Variants in KDF1 observed in about 807,000 individuals in gnomAD.
KDF1 encodes the protein keratinocyte differentiation factor 1, also known as RP11-344H11.3.
A neutral mutation model predicts 31.6 loss-of-function variants in KDF1; 11 were observed. That is an observed-to-expected ratio of 0.35 (90% CI 0.22 to 0.58). The LOEUF (loss-of-function observed/expected upper bound fraction) is 0.58. Ranked by LOEUF, KDF1 falls within the 20% of genes least tolerant of loss-of-function variation. The probability of loss-of-function intolerance (pLI) is 0.83; values close to 1 mark genes in which losing one functional copy is unlikely to be tolerated. For synonymous variants in KDF1, 205 were observed against 214.4 expected, an observed-to-expected ratio of 0.96 and a Z score of 0.38; for missense variants, 476 against 549.1, an observed-to-expected ratio of 0.87 and a Z score of 1.33.
At position 26,951,780 on chromosome 1, in the gene KDF1, T is replaced by C. The variant is rs2082350602; in HGVS notation, c.601A>G (p.Ser201Gly). Reference protein sequence around the residue: ...PLADPPPMRHSLPSTFASSPR... With the variant: ...PLADPPPMRHGLPSTFASSPR... ...CTACTGGCAAAGGTGCTGGGCAGGC[T>C]GTGTCGCATGGGTGGGGGATCGGCC... Residue 201 changes from serine (S) to glycine (G), a missense_variant, in exon 2 of 4, where the codon AGC (serine) becomes GGC (glycine). Physicochemically the swap from Ser to Gly is moderately conservative, Grantham distance 56. Around this residue, in one of 2 missense-constraint regions of KDF1, gnomAD observed 330 missense variants for 332.3 expected, o/e 0.99. Coordinates refer to ENST00000320567, the MANE Select transcript of KDF1 (RefSeq NM_152365.3). This position sits in a 1 kb window ranked among gnomAD's most constrained non-coding sequence, Gnocchi z 5.4. The C allele has an allele frequency of 6.2e-7, 1 of 1,614,064 alleles. No homozygotes were observed. The highest frequency in any genetic ancestry group is 8.5e-7 in the Non-Finnish European group (1 of 1,180,022).
intron 1 of KDF1, among the ~76,000 whole-genome samples, chr1:26,958,549 G>C (rs2082387489): frequency 6.6e-6 from 1 of 152,128 alleles, no homozygotes; most frequent in South Asian, 2.1e-4. Flanking sequence ...AAGTACTTCA[G>C]ACATAATAAC....
In KDF1 at chr1:26,952,222, A is replaced by G. The variant is rs779019147; in HGVS notation, c.159T>C (p.His53=). ...RRPDPKDPGH[H]GPESITFISG... ...AGATGAAGGTAATGCTCTCTGGCCC[A>G]TGGTGGCCAGGGTCCTTGGGGTCTG... Residue 53 remains histidine, a synonymous_variant, in exon 2 of 4, where the codon CAT becomes CAC. Coordinates refer to ENST00000320567, the MANE Select transcript of KDF1 (RefSeq NM_152365.3). The surrounding 1 kb of genome is among the most constrained non-coding windows in gnomAD (Gnocchi z 4.1). The G allele has an allele frequency of 7.5e-6, 12 of 1,608,672 alleles. No homozygotes were observed. The highest frequency in any genetic ancestry group is 1.7e-5 in the Admixed American group (1 of 59,750).
intron 1 of KDF1, among the ~76,000 whole-genome samples, chr1:26,954,711 TA>T (rs2082368575): frequency 1.3e-5 from 2 of 149,510 alleles, no homozygotes. Flanking sequence ...TGGGCACGTG[TA>T]ATCTCAGCTA....
In KDF1 at chr1:26,950,938, T is replaced by C. The variant is rs2082345323; in HGVS notation, c.1040-182A>G. ...GCGCAGAGTGATGGATGAGTGGGAG[T>C]TTTGGTTAGCCCAGAACAGGTCAGA... On this transcript the variant is annotated intron_variant, in intron 2 of 3. Transcript: ENST00000320567. The surrounding 1 kb of genome is among the most constrained non-coding windows in gnomAD (Gnocchi z 4.0). 1.3e-5 allele frequency among the ~76,000 whole-genome samples: 2 copies of C among 151,222 alleles called. No individual in the cohort carries two copies. Among genetic ancestry groups the C allele is most frequent in the African/African-American group, 4.9e-5 (2 of 41,074 alleles).
Position 26,951,774 on chromosome 1 carries a change from G to A in KDF1, c.607C>T (p.Pro203Ser), listed in dbSNP as rs2082350505. The A allele has an allele frequency of 1.2e-6, 2 of 1,614,140 alleles. No individual in the cohort carries two copies. The highest frequency in any genetic ancestry group is 3.3e-5 in the Admixed American group (2 of 60,026). Residue 203 changes from proline to serine, a missense_variant, in exon 2 of 4, where the codon CCC becomes TCC. Transcript: ENST00000320567. This position sits in a 1 kb window ranked among gnomAD's most constrained non-coding sequence, Gnocchi z 5.4. Reference protein sequence around the residue: ...ADPPPMRHSLPSTFASSPRGS... With the variant: ...ADPPPMRHSLSSTFASSPRGS... ...CGAGGACTACTGGCAAAGGTGCTGG[G>A]CAGGCTGTGTCGCATGGGTGGGGGA...
intron 1 of KDF1, among the ~76,000 whole-genome samples, chr1:26,956,234 G>A (rs2082376831): frequency 6.6e-6 from 1 of 152,098 alleles, no homozygotes; most frequent in Non-Finnish European, 1.5e-5. Flanking sequence ...CTGTGTTTTA[G>A]TTCCAGTTCT....
intron 1 of KDF1, among the ~76,000 whole-genome samples, chr1:26,959,091 T>C (rs545783247): frequency 6.6e-6 from 1 of 152,216 alleles, no homozygotes; most frequent in South Asian, 2.1e-4. Context: ...CTCAGAAAGG[T>C]GAAGTGACTG....
At chr1:26,953,188 G>A (rs2082360816) in intron 1 of KDF1, among the ~76,000 whole-genome samples, 1 of 152,072 alleles carries the variant, frequency 6.6e-6, no homozygotes, top group African/African-American at 2.4e-5. Flanking sequence ...ATTTTGGAGT[G>A]TTTTGGATTT....
rs780230453 is a variant in KDF1, at chr1:26,952,314, T to C, written c.67A>G (p.Thr23Ala). 2 of 1,532,172 alleles carry C rather than the reference T, an allele frequency of 1.3e-6. No individual in the cohort carries two copies. The highest frequency in any genetic ancestry group is 1.8e-6 in the Non-Finnish European group (2 of 1,139,130). The allele number at this position is 1,532,172 out of a possible 1,614,324, so 94.9% of individuals were successfully genotyped here. ...TCATATGTCTCCAGACATAGCTCTGTTGGCCGCTCCCACGGTCCCAAGCGT... is the reference window on the plus strand; with the variant it reads ...TCATATGTCTCCAGACATAGCTCTGCTGGCCGCTCCCACGGTCCCAAGCGT... The part of the protein sequence containing the change: ...PPRLGPWERP[T>A]ELCLETYDKP... Residue 23 changes from threonine (T) to alanine (A), a missense_variant, in exon 2 of 4, where the codon ACA (threonine) becomes GCA (alanine). Thr to Ala is a moderately conservative substitution (Grantham distance 58). Coordinates refer to ENST00000320567, the MANE Select transcript of KDF1 (RefSeq NM_152365.3). The surrounding 1 kb of genome is among the most constrained non-coding windows in gnomAD (Gnocchi z 4.1).
At chr1:26,955,221 G>T (rs2082372575) in intron 1 of KDF1, among the ~76,000 whole-genome samples, 1 of 152,136 alleles carries the variant, frequency 6.6e-6, no homozygotes, top group South Asian at 2.1e-4. Context: ...TCTGTGAAGT[G>T]GTTTCCCCCA....
Position 26,950,364 on chromosome 1 carries a change from G to A in KDF1, c.1115-213C>T, listed in dbSNP as rs1452043036. Among the ~76,000 whole-genome samples the A allele has an allele frequency of 6.6e-6, 1 of 152,202 alleles. No homozygotes were observed. The highest frequency in any genetic ancestry group is 1.5e-5 in the Non-Finnish European group (1 of 68,032). On this transcript the variant is annotated intron_variant, in intron 3 of 3. Coordinates refer to ENST00000320567, the MANE Select transcript of KDF1 (RefSeq NM_152365.3). The surrounding 1 kb of genome is among the most constrained non-coding windows in gnomAD (Gnocchi z 4.0). ...ATAATGATTCCACTCCCAGGGGGTTGTTGTCAAGGGCAAGAAGACCGCAAC... is the reference window on the plus strand; with the variant it reads ...ATAATGATTCCACTCCCAGGGGGTTATTGTCAAGGGCAAGAAGACCGCAAC...
At chr1:26,956,756 T>G (rs914663361) in intron 1 of KDF1, among the ~76,000 whole-genome samples, 1 of 152,192 alleles carries the variant, frequency 6.6e-6, no homozygotes. Context: ...TAATGTTCTA[T>G]TCTTAGGAAA....
chr1:26,952,132 C>G lies in KDF1; in HGVS notation c.249G>C (p.Trp83Cys). The G allele has an allele frequency of 6.2e-7, 1 of 1,613,552 alleles. No homozygotes were observed. The highest frequency in any genetic ancestry group is 8.5e-7 in the Non-Finnish European group (1 of 1,179,914). ...AGCAGAAGGCAGCCCGGCACCACTC[C>G]CACACCCAGGGTCGCCAGAGCAGGC... ...TCCLLWRPWVWEWCRAAFCFR... is the reference protein window; with the variant it reads ...TCCLLWRPWVCEWCRAAFCFR... The change falls in exon 2 of 4, where the codon TGG becomes TGC. Residue 83 changes from tryptophan (W) to cysteine (C), a missense_variant. Trp to Cys is a radical substitution (Grantham distance 215). Transcript: ENST00000320567. The surrounding 1 kb of genome is among the most constrained non-coding windows in gnomAD (Gnocchi z 4.1).
chr1:26,952,176 G>T lies in KDF1; in HGVS notation c.205C>A (p.Leu69Ile), dbSNP rs759059288. ...AGCAGGCAGCAGGTGGGGGACTCAA[G>T]GGCCGGCTCAGCAGAGCCAGAGATG... ...TFISGSAEPALESPTCCLLWR... is the reference protein window; with the variant it reads ...TFISGSAEPAIESPTCCLLWR... The change falls in exon 2 of 4, where the codon CTT (leucine) becomes ATT (isoleucine). Residue 69 changes from leucine to isoleucine, a missense_variant. Coordinates refer to ENST00000320567, the MANE Select transcript of KDF1 (RefSeq NM_152365.3). This position sits in a 1 kb window ranked among gnomAD's most constrained non-coding sequence, Gnocchi z 4.1. The T allele has an allele frequency of 2.5e-6, 4 of 1,613,516 alleles. No individual in the cohort carries two copies. The highest frequency in any genetic ancestry group is 3.3e-5 in the Admixed American group (2 of 60,010).
rs779015336 is a variant in KDF1 at position 26,952,128 on chromosome 1, A to T, written c.253T>A (p.Trp85Arg). 6.2e-7 allele frequency: 1 copy of T among 1,613,114 alleles called. No individual in the cohort carries two copies. The highest frequency in any genetic ancestry group is 8.5e-7 in the Non-Finnish European group (1 of 1,179,848). Reference protein sequence around the residue: ...CLLWRPWVWEWCRAAFCFRRC... With the variant: ...CLLWRPWVWERCRAAFCFRRC... ...CGGAAGCAGAAGGCAGCCCGGCACC[A>T]CTCCCACACCCAGGGTCGCCAGAGC... is the stretch of plus-strand genomic sequence containing the variant. The change falls in exon 2 of 4, where the codon TGG (tryptophan) becomes AGG (arginine). Residue 85 changes from tryptophan to arginine, a missense_variant. This residue lies in a region of KDF1 where 330 missense variants were observed against 332.3 expected (regional missense o/e 0.99). Coordinates refer to ENST00000320567, the MANE Select transcript of KDF1 (RefSeq NM_152365.3). This position sits in a 1 kb window ranked among gnomAD's most constrained non-coding sequence, Gnocchi z 4.1.
Position 26,949,962 on chromosome 1 carries a change from G to T in KDF1, c.*107C>A. On this transcript the variant is annotated 3_prime_UTR_variant, in exon 4 of 4. Coordinates refer to ENST00000320567, the MANE Select transcript of KDF1 (RefSeq NM_152365.3). ...GCCAAGGCAGGAGGAGCCAGAGTGGGCACTGCTTCAGGTCTAAGCCTCTCC... is the reference window on the plus strand; with the variant it reads ...GCCAAGGCAGGAGGAGCCAGAGTGGTCACTGCTTCAGGTCTAAGCCTCTCC... 8.9e-7 allele frequency: 1 copy of T among 1,127,084 alleles called. No homozygotes were observed. The highest frequency in any genetic ancestry group is 1.4e-5 in the South Asian group (1 of 72,620). 69.8% of individuals were successfully genotyped at this position (1,127,084 alleles called of 1,614,324 possible). A position where few individuals can be genotyped will look rare whatever the true frequency, so the allele number is the denominator to read the frequency against.
chr1:26,950,670 T>A lies in KDF1; in HGVS notation c.1114+12A>T. ...CCCACCCTCCACACCCCTCATTAGG[T>A]CAAGACCACACCTGGAGCTCCATAA... On this transcript the variant is annotated intron_variant, in intron 3 of 3. Transcript: ENST00000320567. The surrounding 1 kb of genome is among the most constrained non-coding windows in gnomAD (Gnocchi z 4.0). 1 of 1,605,962 alleles carries A rather than the reference T, an allele frequency of 6.2e-7. No homozygotes were observed.
chr1:26,955,474 G>A (rs776545087), intron 1 of KDF1, among the ~76,000 whole-genome samples: 4 of 152,158 alleles, frequency 2.6e-5, no homozygotes, highest in Non-Finnish European at 5.9e-5. Flanking sequence ...AAAAAGCTGA[G>A]CCACAAAATA....
At position 26,950,248 on chromosome 1, in the gene KDF1, G is replaced by T; in HGVS notation, c.1115-97C>A. 8.6e-7 allele frequency: 1 copy of T among 1,167,508 alleles called. No homozygotes were observed. Among genetic ancestry groups the T allele is most frequent in the Non-Finnish European group, 1.3e-6 (1 of 782,988 alleles). The allele number at this position is 1,167,508 out of a possible 1,614,324, so 72.3% of individuals were successfully genotyped here. ...GAAGCCTGCTGAGAAGGAGCAGAGT[G>T]GGACTTGAGCCTGGGTCAGTCTGAT... On this transcript the variant is annotated intron_variant, in intron 3 of 3. Coordinates refer to ENST00000320567, the MANE Select transcript of KDF1 (RefSeq NM_152365.3). The surrounding 1 kb of genome is among the most constrained non-coding windows in gnomAD (Gnocchi z 4.0).
Sources: allele counts gnomAD v4.1 joint callset (sites outside exome capture counted in the v4.1 genomes callset), GRCh38; gene constraint gnomAD v4.1.1; regional missense constraint gnomAD v4.1.1; non-coding constraint Gnocchi (gnomAD v3.1); transcripts MANE v1.5; gene names NCBI Gene and HGNC (gene_info 2026-07-23, HGNC 2026-07-21).